SYCP2L: variants seen among roughly 807,000 people sequenced by gnomAD.
The protein encoded by SYCP2L is synaptonemal complex protein 2 like, also known as synaptonemal complex protein 2-like.
In SYCP2L, 98 loss-of-function variants were observed where a neutral mutation model predicts 125.8. The observed-to-expected ratio is 0.78, with a 90% CI of 0.66 to 0.92. SYCP2L has a LOEUF of 0.92. SYCP2L is among the 40% of genes least tolerant of loss of function. The pLI is 0.00. For synonymous variants in SYCP2L, 317 were observed against 325.4 expected, an observed-to-expected ratio of 0.97 and a Z score of 0.28; for missense variants, 842 against 936.4, an observed-to-expected ratio of 0.90 and a Z score of 1.32.
chr6:10,897,168 A>T (rs1242229620), intron 4 of SYCP2L, among the ~76,000 whole-genome samples: 2 of 152,202 alleles, frequency 1.3e-5, no homozygotes, highest in Non-Finnish European at 2.9e-5. Flanking sequence ...GTTTATTTTA[A>T]ATCATTCCAA....
At chr6:10,927,582 C>T (rs113258509) in intron 17 of SYCP2L, among the ~76,000 whole-genome samples, 3,937 of 152,140 alleles carry the variant, frequency 0.026, 166 homozygotes, top group East Asian at 0.23. Flanking sequence ...ACAGAGATCA[C>T]GTACTTCACA....
chr6:10,901,080 T>C (rs1421707622), intron 6 of SYCP2L, among the ~76,000 whole-genome samples: 2 of 152,258 alleles, frequency 1.3e-5, no homozygotes, highest in Admixed American at 6.5e-5. Context: ...TATGATTCTT[T>C]TGTTTGTGTT....
chr6:10,898,925 G>C lies in SYCP2L; in HGVS notation c.466+77G>C. ...ATTCTGGCACAGAGAAAAGAAAAAT[G>C]ATATGTAAAAGTAAAGTGAGTTTAA... is the stretch of plus-strand genomic sequence containing the variant. On this transcript the variant is annotated intron_variant, in intron 6 of 29. Coordinates refer to ENST00000283141, the MANE Select transcript of SYCP2L (RefSeq NM_001040274.3). 4.2e-6 allele frequency: 4 copies of C among 950,970 alleles called. No individual in the cohort carries two copies. In the South Asian group the frequency reaches 5.6e-5, roughly 13 times the overall value. 58.9% of individuals were successfully genotyped at this position (950,970 alleles called of 1,614,324 possible).
chr6:10,923,787 C>T (rs1780846863), intron 14 of SYCP2L, among the ~76,000 whole-genome samples: 2 of 150,854 alleles, frequency 1.3e-5, no homozygotes, highest in Non-Finnish European at 3.0e-5. Context: ...GGGTTCACGC[C>T]ATTCTCCCGC....
chr6:10,949,488 C>T (rs1464740923), intron 23 of SYCP2L, among the ~76,000 whole-genome samples: 1 of 152,074 alleles, frequency 6.6e-6, no homozygotes, highest in Non-Finnish European at 1.5e-5. Flanking sequence ...TTTAGATTTA[C>T]TGGGGCTTAC....
rs757098430 is a variant in SYCP2L, at chr6:10,905,994, A to G, written c.642-26A>G. On this transcript the variant is annotated intron_variant, in intron 8 of 29. Coordinates refer to ENST00000283141, the MANE Select transcript of SYCP2L (RefSeq NM_001040274.3). ...TTACCTCTTGATGTTCACTTCAGTT[A>G]AATGTGATTTATCTAAATGTTTCAG... 8 of 1,561,152 alleles carry G rather than the reference A, an allele frequency of 5.1e-6. No individual in the cohort carries two copies. The Admixed American group carries it at 8.5e-5, about 17-fold the overall frequency.
Position 10,907,617 on chromosome 6 carries a change from A to G in SYCP2L, c.752A>G (p.His251Arg), listed in dbSNP as rs780095117. 9.3e-6 allele frequency: 15 copies of G among 1,613,962 alleles called. No homozygotes were observed. The South Asian group carries it at 9.9e-5, about 11-fold the overall frequency. Residue 251 changes from histidine to arginine, a missense_variant, in exon 10 of 30, where the codon CAT becomes CGT. Physicochemically the swap from His to Arg is conservative, Grantham distance 29. Coordinates refer to ENST00000283141, the MANE Select transcript of SYCP2L (RefSeq NM_001040274.3). ...AAAAAATCAAGGGATGAACTTGTCC[A>G]TAAATGGTTTGATGATGAAGTCATT... Reference protein sequence around the residue: ...TIKKSRDELVHKWFDDEVIAE... With the variant: ...TIKKSRDELVRKWFDDEVIAE...
chr6:10,964,570 AAAAATTT>A (rs1426826037), intron 29 of SYCP2L, among the ~76,000 whole-genome samples: 1 of 152,172 alleles, frequency 6.6e-6, no homozygotes, highest in East Asian at 1.9e-4. Context: ...GGATTAAATT[AAAAATTT>A]AAAATTTAAA....
At chr6:10,934,421 G>A (rs1225733) in intron 20 of SYCP2L, among the ~76,000 whole-genome samples, 29,056 of 152,238 alleles carry the variant, frequency 0.19, 2,906 homozygotes, top group Middle Eastern at 0.3. Flanking sequence ...GCACATGCCT[G>A]TAATCCCAGC....
At chr6:10,952,334 A>G (rs1421528262) in intron 23 of SYCP2L, among the ~76,000 whole-genome samples, 1 of 152,184 alleles carries the variant, frequency 6.6e-6, no homozygotes, top group African/African-American at 2.4e-5. Flanking sequence ...AAGGTTTCTA[A>G]AAGTCTAGTG....
intron 23 of SYCP2L, among the ~76,000 whole-genome samples, chr6:10,944,071 A>T (rs1781269432): frequency 6.6e-6 from 1 of 152,226 alleles, no homozygotes; most frequent in South Asian, 2.1e-4. Flanking sequence ...TTTTAGGAGT[A>T]TAATTGCTGG....
At chr6:10,909,239 C>T (rs1452164668) in intron 10 of SYCP2L, among the ~76,000 whole-genome samples, 1 of 149,756 alleles carries the variant, frequency 6.7e-6, no homozygotes, top group Non-Finnish European at 1.5e-5. Context: ...AGCAATTCTC[C>T]TGCCTTATCC....
chr6:10,947,340 T>C (rs1451459519), intron 23 of SYCP2L, among the ~76,000 whole-genome samples: 6 of 152,122 alleles, frequency 3.9e-5, no homozygotes, highest in African/African-American at 1.4e-4. Flanking sequence ...AGAATTTTGA[T>C]AGAAATTGCA....
At position 10,961,511 on chromosome 6, in the gene SYCP2L, G is replaced by A. The variant is rs1388110623; in HGVS notation, c.2367G>A (p.Gly789=). The change falls in exon 28 of 30, where the codon GGG becomes GGA. Residue 789 remains glycine (G), a synonymous_variant. Transcript: ENST00000283141. ...TTGTTCAATCTTAGGAATTCTGGGGGAAACAGTCTGCTGATCTGCAATCTT... is the reference window on the plus strand; with the variant it reads ...TTGTTCAATCTTAGGAATTCTGGGGAAAACAGTCTGCTGATCTGCAATCTT... ...HLEKEVLEFW[G]KQSADLQSFC... is the part of the protein sequence containing the mutation. The A allele has an allele frequency of 1.9e-6, 3 of 1,614,042 alleles. No homozygotes were observed. In the African/African-American group the frequency reaches 4.0e-5, roughly 22 times the overall value.
At chr6:10,895,883 C>T (rs1406564653) in intron 4 of SYCP2L, among the ~76,000 whole-genome samples, 14 of 151,988 alleles carry the variant, frequency 9.2e-5, no homozygotes, top group East Asian at 1.9e-4. Flanking sequence ...CCTGGCACGG[C>T]GGCTCACGCC....
chr6:10,938,143 C>T (rs948072853), intron 21 of SYCP2L, among the ~76,000 whole-genome samples: 3 of 152,202 alleles, frequency 2.0e-5, no homozygotes, highest in African/African-American at 4.8e-5. Flanking sequence ...CTCTGATGAA[C>T]GTATATGTAA....
At chr6:10,924,365 G>A (rs1780861278) in intron 14 of SYCP2L, 131 bp from the exon 15 acceptor site, 3 of 690,746 alleles carry the variant, frequency 4.3e-6, no homozygotes, top group South Asian at 3.2e-5. Context: ...TATTTAATAT[G>A]ATTTCTTTTC....
chr6:10,929,375 C>CT (rs1780952695), intron 18 of SYCP2L, among the ~76,000 whole-genome samples: 1 of 152,134 alleles, frequency 6.6e-6, no homozygotes, highest in Admixed American at 6.6e-5. Flanking sequence ...AATGCTACAG[C>CT]CCCTTAAGAG....
At chr6:10,943,128 A>G (rs1781252921) in intron 23 of SYCP2L, among the ~76,000 whole-genome samples, 1 of 152,204 alleles carries the variant, frequency 6.6e-6, no homozygotes, top group African/African-American at 2.4e-5. Flanking sequence ...GAAATGTTCT[A>G]AAACATTGTG....
Sources: gnomAD v4.1 joint callset for allele counts (sites outside exome capture counted in the v4.1 genomes callset) on GRCh38, gnomAD v4.1.1 for gene constraint, MANE v1.5 for transcripts, NCBI Gene and HGNC (gene_info 2026-07-23, HGNC 2026-07-21) for gene names.